DENND1A: variants seen among roughly 807,000 people sequenced by gnomAD.
DENND1A encodes DENN domain-containing protein 1A.
DENND1A carries 51 observed loss-of-function variants against 113.7 expected under a neutral mutation model. The ratio of observed to expected loss-of-function variants is 0.45; its 90% confidence interval spans 0.36 to 0.57. DENND1A has a LOEUF of 0.57. Ranked by LOEUF, DENND1A falls within the 20% of genes least tolerant of loss-of-function variation. The pLI, the probability that DENND1A is intolerant of heterozygous loss-of-function variation, is 0.00. For synonymous variants in DENND1A, 565 were observed against 570.8 expected, an observed-to-expected ratio of 0.99 and a Z score of 0.14; for missense variants, 1,258 against 1,395.9, an observed-to-expected ratio of 0.90 and a Z score of 1.57.
At chr9:123,700,454 T>C (rs1386384874) in intron 5 of DENND1A, among the ~76,000 whole-genome samples, 1 of 152,198 alleles carries the variant, frequency 6.6e-6, no homozygotes, top group Non-Finnish European at 1.5e-5. Context: ...GTTTGAAATC[T>C]ATAGGACAGG....
intron 10 of DENND1A, among the ~76,000 whole-genome samples, chr9:123,614,338 G>A (rs2060547013): frequency 6.6e-6 from 1 of 152,214 alleles, no homozygotes; most frequent in African/African-American, 2.4e-5. Flanking sequence ...CTTGGTTCCA[G>A]GCCTGTGATG....
chr9:123,467,735 T>C (rs937299515), intron 13 of DENND1A, among the ~76,000 whole-genome samples: 6 of 152,148 alleles, frequency 3.9e-5, no homozygotes, highest in Non-Finnish European at 8.8e-5. Context: ...CAGCAGAGCA[T>C]TAAGCCAAGC....
At chr9:123,772,708 T>G (rs1829926245) in intron 3 of DENND1A, among the ~76,000 whole-genome samples, 1 of 152,178 alleles carries the variant, frequency 6.6e-6, no homozygotes, top group South Asian at 2.1e-4. Flanking sequence ...TTTTTTAACA[T>G]TTTAATGAGC....
chr9:123,465,363 C>G (rs1266495102), intron 13 of DENND1A, among the ~76,000 whole-genome samples: 1 of 113,312 alleles, frequency 8.8e-6, no homozygotes, highest in African/African-American at 3.4e-5. Flanking sequence ...ACTTAAAACT[C>G]TGTTTCTATT....
intron 11 of DENND1A, among the ~76,000 whole-genome samples, chr9:123,592,557 T>TG (rs2059506761): frequency 6.6e-6 from 1 of 152,132 alleles, no homozygotes; most frequent in Non-Finnish European, 1.5e-5. Context: ...GAGGAGTTTC[T>TG]GGGGGGCTGG....
rs143902282 is a variant in DENND1A, at chr9:123,617,346, GCGTGCA to G, written c.720-7871_720-7866del. ...CCCTGCCACAGCAGAGGTGAGCTCAGCGTGCACTGATGTCCAGTGGGCACTGGAGAT... is the reference window on the plus strand; with the variant it reads ...CCCTGCCACAGCAGAGGTGAGCTCAGCTGATGTCCAGTGGGCACTGGAGAT... On this transcript the variant is annotated intron_variant, in intron 10 of 23. Transcript: ENST00000394215. 8.6e-3 allele frequency among the ~76,000 whole-genome samples: 1,314 copies of G among 152,316 alleles called. 15 individuals are homozygous for G. The highest frequency in any genetic ancestry group is 0.03 in the African/African-American group (1,257 of 41,556).
At chr9:123,776,867 A>G (rs190189716) in intron 3 of DENND1A, among the ~76,000 whole-genome samples, 3 of 152,236 alleles carry the variant, frequency 2.0e-5, no homozygotes, top group South Asian at 2.1e-4. Context: ...AACGCAAAGG[A>G]CAGCTTAGAA....
intron 1 of DENND1A, among the ~76,000 whole-genome samples, chr9:123,923,097 C>A (rs554699444): frequency 2.0e-5 from 3 of 152,174 alleles, no homozygotes; most frequent in Non-Finnish European, 2.9e-5. Context: ...AAAGGCTGGA[C>A]CTTTGCAACT....
intron 5 of DENND1A, among the ~76,000 whole-genome samples, chr9:123,747,411 GAATT>G (rs1318069177): frequency 1.3e-5 from 2 of 152,190 alleles, no homozygotes; most frequent in African/African-American, 4.8e-5. Flanking sequence ...ATGCCTCTCA[GAATT>G]AATTCTGTAA....
intron 2 of DENND1A, among the ~76,000 whole-genome samples, chr9:123,874,456 T>C (rs1270785679): frequency 2.6e-5 from 4 of 152,108 alleles, no homozygotes; most frequent in African/African-American, 9.7e-5. Context: ...GAGTACTTTA[T>C]AAAAGATATT....
chr9:123,749,984 G>T (rs2069864679), intron 5 of DENND1A, among the ~76,000 whole-genome samples: 1 of 152,192 alleles, frequency 6.6e-6, no homozygotes, highest in Non-Finnish European at 1.5e-5. Flanking sequence ...CTAGGGTCAG[G>T]TTGCTTGAGG....
intron 6 of DENND1A, among the ~76,000 whole-genome samples, chr9:123,672,306 G>A (rs554816844): frequency 6.6e-6 from 1 of 152,302 alleles, no homozygotes; most frequent in East Asian, 1.9e-4. Flanking sequence ...AATCAAACAA[G>A]CTTCTCAGAG....
At chr9:123,706,145 CTTT>C (rs368559777) in intron 5 of DENND1A, among the ~76,000 whole-genome samples, 5 of 133,116 alleles carry the variant, frequency 3.8e-5, no homozygotes, top group Admixed American at 1.5e-4. Context: ...GATATTTTTT[CTTT>C]TTTTTTTTTT....
At chr9:123,924,937 T>A (rs1856845447) in intron 1 of DENND1A, among the ~76,000 whole-genome samples, 1 of 152,172 alleles carries the variant, frequency 6.6e-6, no homozygotes, top group Non-Finnish European at 1.5e-5. Context: ...TACCTCCTCA[T>A]CCTTTAAGTC....
intron 18 of DENND1A, among the ~76,000 whole-genome samples, chr9:123,447,293 T>C (rs986402486): frequency 6.6e-6 from 1 of 152,210 alleles, no homozygotes; most frequent in Non-Finnish European, 1.5e-5. Context: ...ATGTTATCCA[T>C]CCTTCTTTTT....
At chr9:123,705,475 T>C (rs1050028685) in intron 5 of DENND1A, among the ~76,000 whole-genome samples, 3 of 152,132 alleles carry the variant, frequency 2.0e-5, no homozygotes, top group African/African-American at 7.2e-5. Context: ...TAGAATTAGG[T>C]AGCTGGGCAA....
chr9:123,413,958 C>T, intron 19 of DENND1A: 1 of 988,996 alleles, frequency 1.0e-6, no homozygotes, highest in African/African-American at 1.7e-5. Context: ...CCACTCCCCA[C>T]AATACTGCTT....
chr9:123,483,967 G>A (rs1481886332), intron 13 of DENND1A, among the ~76,000 whole-genome samples: 5 of 152,120 alleles, frequency 3.3e-5, no homozygotes, highest in Admixed American at 6.5e-5. Context: ...TGTAGCAAAC[G>A]GGTTAGTGTC....
At chr9:123,767,713 T>G (rs995281936) in intron 4 of DENND1A, among the ~76,000 whole-genome samples, 2 of 152,168 alleles carry the variant, frequency 1.3e-5, no homozygotes, top group African/African-American at 4.8e-5. Context: ...AGAGGTTTAA[T>G]CTCTATGCAT....
Sources: gnomAD v4.1 joint callset for allele counts (sites outside exome capture counted in the v4.1 genomes callset) on GRCh38, gnomAD v4.1.1 for gene constraint, MANE v1.5 for transcripts, NCBI Gene and HGNC (gene_info 2026-07-23, HGNC 2026-07-21) for gene names.